PDE10A: variants seen among roughly 807,000 people sequenced by gnomAD.
The protein encoded by PDE10A is phosphodiesterase 10A.
A neutral mutation model predicts 97.7 loss-of-function variants in PDE10A; 39 were observed. The ratio of observed to expected loss-of-function variants is 0.40; its 90% CI spans 0.31 to 0.52. PDE10A has a LOEUF of 0.52. Ranked by LOEUF, PDE10A falls within the 20% of genes least tolerant of loss-of-function variation. PDE10A has a pLI of 0.56. For missense variants in PDE10A, 731 were observed against 1,047.8 expected, an observed-to-expected ratio of 0.70 and a Z score of 4.17; for synonymous variants, 371 against 376.8, an observed-to-expected ratio of 0.98 and a Z score of 0.18.
At chr6:165,793,920 T>G (rs1778732676) in intron 1 of PDE10A, among the ~76,000 whole-genome samples, 1 of 152,174 alleles carries the variant, frequency 6.6e-6, no homozygotes, top group African/African-American at 2.4e-5. Flanking sequence ...AATTATCTGG[T>G]TTAATCTTCA....
intron 1 of PDE10A, among the ~76,000 whole-genome samples, chr6:165,786,504 C>G (rs931559251): frequency 3.9e-5 from 6 of 152,198 alleles, no homozygotes; most frequent in Admixed American, 3.3e-4. Flanking sequence ...AAGCATTTCT[C>G]CTTCACAGAA....
chr6:165,503,913 ATTATG>A (rs1242428643), intron 2 of PDE10A, among the ~76,000 whole-genome samples: 10 of 152,202 alleles, frequency 6.6e-5, no homozygotes, highest in African/African-American at 2.4e-4. Context: ...TACGTAATAA[ATTATG>A]TTATTTTGCA....
intron 1 of PDE10A, among the ~76,000 whole-genome samples, chr6:165,860,283 A>G (rs2500479): frequency 0.73 from 111,286 of 152,002 alleles, 41,263 homozygotes; most frequent in East Asian, 0.96. Context: ...GAGAAACCCC[A>G]TCTCTACTAA....
At chr6:165,336,710 C>T (rs1469658215) in intron 20 of PDE10A, among the ~76,000 whole-genome samples, 2 of 143,560 alleles carry the variant, frequency 1.4e-5, no homozygotes, top group South Asian at 2.2e-4. Context: ...GATTGCGCCA[C>T]TGCAGTCCGC....
chr6:165,738,162 C>T (rs1792628000), intron 1 of PDE10A, among the ~76,000 whole-genome samples: 1 of 112,286 alleles, frequency 8.9e-6, no homozygotes, highest in Non-Finnish European at 1.7e-5. Flanking sequence ...TCCCTCCCCC[C>T]TCCCCCCACC....
chr6:165,421,641 T>C (rs1257280793), intron 10 of PDE10A, among the ~76,000 whole-genome samples: 1 of 152,188 alleles, frequency 6.6e-6, no homozygotes, highest in African/African-American at 2.4e-5. Flanking sequence ...ATCACAATCA[T>C]TAGCATGCTA....
At chr6:165,929,168 C>T (rs560046892) in intron 1 of PDE10A, among the ~76,000 whole-genome samples, 3 of 152,220 alleles carry the variant, frequency 2.0e-5, no homozygotes, top group South Asian at 2.1e-4. Context: ...TCACATGTGG[C>T]GGGCATTCGG....
chr6:165,648,164 C>G (rs1343828470), intron 1 of PDE10A, among the ~76,000 whole-genome samples: 1 of 152,132 alleles, frequency 6.6e-6, no homozygotes, highest in African/African-American at 2.4e-5. Context: ...AGGCGCCCAC[C>G]ACCACGCCCA....
chr6:165,455,679 C>G (rs1777913516), intron 3 of PDE10A, among the ~76,000 whole-genome samples: 1 of 152,162 alleles, frequency 6.6e-6, no homozygotes, highest in Non-Finnish European at 1.5e-5. Context: ...TGTGTGTATT[C>G]CCTTCTCAGG....
In PDE10A at chr6:165,374,022, T is replaced by C. The variant is rs1280577009; in HGVS notation, c.2783+5172A>G. On this transcript the variant is annotated intron_variant, in intron 18 of 21. Transcript: ENST00000539869. The stretch of plus-strand genomic sequence containing the variant: ...GCATGTTCTCACTCATAGATGGGAA[T>C]TGAACAATGAGAACACATGGACACA... Among the ~76,000 whole-genome samples the C allele has an allele frequency of 1.4e-4, 19 of 137,528 alleles. 1 individual carries two copies. The highest frequency in any genetic ancestry group is 2.4e-4 in the Non-Finnish European group (16 of 66,056). The allele number at this position is 137,528 out of a possible 152,430, so 90.2% of individuals were successfully genotyped here.
chr6:165,505,725 T>C (rs968926731), intron 2 of PDE10A, among the ~76,000 whole-genome samples: 2 of 152,156 alleles, frequency 1.3e-5, no homozygotes, highest in African/African-American at 4.8e-5. Context: ...GGTAAAGCCA[T>C]AGAGCTTCTC....
At position 165,482,311 on chromosome 6, in the gene PDE10A, T is replaced by A. The variant is rs1779651968; in HGVS notation, c.1023+4A>T. ...GTAGTAGAAATAATATTCACATCAC[T>A]TACCCTGCTGACTTCCTTAGGAGCT... is the stretch of plus-strand genomic sequence containing the variant. On this transcript the variant is annotated splice_donor_region_variant and intron_variant, in intron 3 of 21. Transcript: ENST00000539869. 2.5e-6 allele frequency: 4 copies of A among 1,588,114 alleles called. No homozygotes were observed. In the East Asian group the frequency reaches 9.0e-5, roughly 36 times the overall value.
At chr6:165,651,219 A>G (rs543817314) in intron 1 of PDE10A, among the ~76,000 whole-genome samples, 62 of 152,292 alleles carry the variant, frequency 4.1e-4, no homozygotes, top group African/African-American at 1.4e-3. Flanking sequence ...GTTATTTTCA[A>G]TTGCATGTCT....
chr6:165,582,557 A>T (rs1423033244), intron 1 of PDE10A, among the ~76,000 whole-genome samples: 1 of 152,110 alleles, frequency 6.6e-6, no homozygotes, highest in Non-Finnish European at 1.5e-5. Context: ...ATTTAAATTT[A>T]AGTGGAAGAC....
chr6:165,963,726 A>AC (rs1156498590), intron 1 of PDE10A, among the ~76,000 whole-genome samples: 1 of 152,112 alleles, frequency 6.6e-6, no homozygotes, highest in Non-Finnish European at 1.5e-5. Context: ...TCCTCTCTTG[A>AC]CCCCACCATC....
At chr6:165,440,897 A>G (rs1228686209) in intron 5 of PDE10A, among the ~76,000 whole-genome samples, 2 of 152,182 alleles carry the variant, frequency 1.3e-5, no homozygotes, top group Admixed American at 6.5e-5. Context: ...ACTCTGATAG[A>G]TAACAGTGGA....
At chr6:165,533,277 C>T (rs1040272762) in intron 2 of PDE10A, among the ~76,000 whole-genome samples, 3 of 152,044 alleles carry the variant, frequency 2.0e-5, no homozygotes, top group Non-Finnish European at 4.4e-5. Flanking sequence ...GTCTGAGAAA[C>T]GCATTGTTGT....
intron 2 of PDE10A, among the ~76,000 whole-genome samples, chr6:165,508,484 G>A (rs1030073923): frequency 9.2e-5 from 14 of 151,646 alleles, no homozygotes; most frequent in Non-Finnish European, 2.1e-4. Context: ...AGTTATTTCC[G>A]GTTTTATTCC....
chr6:165,918,977 T>G (rs1474029562), intron 1 of PDE10A, among the ~76,000 whole-genome samples: 2 of 152,194 alleles, frequency 1.3e-5, no homozygotes, highest in Admixed American at 1.3e-4. Context: ...ATTACATTTT[T>G]CTGGAGAGGG....
Sources: gnomAD v4.1 joint callset for allele counts (sites outside exome capture counted in the v4.1 genomes callset) on GRCh38, gnomAD v4.1.1 for gene constraint, MANE v1.5 for transcripts, NCBI Gene and HGNC (gene_info 2026-07-23, HGNC 2026-07-21) for gene names.